Variants in GALK2 observed in about 807,000 individuals in gnomAD.
GALK2 encodes the protein galactokinase 2.
GALK2 carries 36 observed loss-of-function variants against 52.4 expected under a neutral mutation model. The ratio of observed to expected loss-of-function variants is 0.69; its 90% CI spans 0.53 to 0.91. GALK2 has a LOEUF of 0.91. Among genes scored for constraint, GALK2 ranks in the 40% least tolerant of loss-of-function variants. GALK2 has a pLI of 0.00. For missense variants in GALK2, 579 were observed against 559.1 expected (o/e 1.04, Z -0.36); for synonymous variants, 176 against 199.1 (o/e 0.88, Z 0.98).
chr15:49,194,574 A>G (rs371428624), intron 1 of GALK2, among the ~76,000 whole-genome samples: 3 of 148,196 alleles, frequency 2.0e-5, no homozygotes, highest in East Asian at 3.9e-4. Context: ...TTTGCCCACT[A>G]TTGTTACATA....
At chr15:49,213,239 A>T (rs1025518250) in intron 2 of GALK2, among the ~76,000 whole-genome samples, 1 of 152,212 alleles carries the variant, frequency 6.6e-6, no homozygotes, top group Admixed American at 6.5e-5. Context: ...TTGACATTAT[A>T]TAATGACCTT....
chr15:49,339,176 G>T (rs1017519533), intron 3 of GALK2, among the ~76,000 whole-genome samples: 1 of 152,080 alleles, frequency 6.6e-6, no homozygotes, highest in Non-Finnish European at 1.5e-5. Flanking sequence ...TCCCTTGCTG[G>T]CAAGGAGTTG....
At chr15:49,302,648 G>A (rs2141873835) in intron 8 of GALK2, among the ~76,000 whole-genome samples, 1 of 152,324 alleles carries the variant, frequency 6.6e-6, no homozygotes, top group East Asian at 1.9e-4. Context: ...TGATTTAAAT[G>A]TAGCTTATAA....
intron 3 of GALK2, among the ~76,000 whole-genome samples, chr15:49,227,582 C>T (rs1284714410): frequency 4.0e-5 from 6 of 151,658 alleles, no homozygotes; most frequent in African/African-American, 1.5e-4. Flanking sequence ...GTTTTTAAAT[C>T]AGTTATCCTA....
intron 3 of GALK2, among the ~76,000 whole-genome samples, chr15:49,337,241 CTGTTT>C (rs1412620388): frequency 1.3e-5 from 2 of 152,116 alleles, no homozygotes; most frequent in African/African-American, 2.4e-5. Context: ...AACGGTAGTT[CTGTTT>C]TAAGTTCTTT....
At chr15:49,169,659 T>A (rs1480798691), upstream of GALK2, among the ~76,000 whole-genome samples, 2 of 152,186 alleles carry the variant, frequency 1.3e-5, no homozygotes, top group Non-Finnish European at 2.9e-5. Context: ...GAGGTTTAAC[T>A]GGATGCTAAG....
At chr15:49,231,883 C>T (rs950546928) in intron 3 of GALK2, among the ~76,000 whole-genome samples, 13 of 152,246 alleles carry the variant, frequency 8.5e-5, no homozygotes, top group Non-Finnish European at 1.5e-4. Flanking sequence ...AGTAAAGCCC[C>T]TGAGGCTGCT....
intron 5 of GALK2, among the ~76,000 whole-genome samples, chr15:49,247,875 A>T (rs2091427124): frequency 2.0e-5 from 3 of 152,226 alleles, no homozygotes; most frequent in African/African-American, 7.2e-5. Flanking sequence ...AAGTCCCTGA[A>T]CAGATTTACT....
intron 1 of GALK2, chr15:49,156,156 G>A: frequency 1.2e-6 from 1 of 824,134 alleles, no homozygotes; most frequent in Non-Finnish European, 2.0e-6. Context: ...ACAATTCTAT[G>A]GATATCCTAA....
chr15:49,335,440 C>G (rs1330200460), downstream of GALK2: 1 of 1,612,594 alleles, frequency 6.2e-7, no homozygotes, highest in Admixed American at 1.7e-5. Flanking sequence ...CTTTTGGTTC[C>G]TTGCAAATTG....
intron 2 of GALK2, among the ~76,000 whole-genome samples, chr15:49,206,790 CAA>C (rs2088325573): frequency 6.6e-6 from 1 of 152,066 alleles, no homozygotes; most frequent in South Asian, 2.1e-4. Context: ...CAAACAGTGA[CAA>C]TTTGAGTTCC....
rs187689686 is a variant in GALK2, at chr15:49,243,636, A to G, written c.504+4269A>G. Among the ~76,000 whole-genome samples, 10 of 152,292 alleles carry G rather than the reference A, an allele frequency of 6.6e-5. No homozygotes were observed. In the South Asian group the frequency reaches 2.1e-3, roughly 32 times the overall value. ...AAAATGAACCAAACAAACAAAAAAAACAGAGAAAACAGGAAACTAGAGGAA... is the reference window on the plus strand; with the variant it reads ...AAAATGAACCAAACAAACAAAAAAAGCAGAGAAAACAGGAAACTAGAGGAA... On this transcript the variant is annotated intron_variant, in intron 5 of 9. Transcript: ENST00000560031.
At chr15:49,229,046 T>C (rs1373632873) in intron 3 of GALK2, among the ~76,000 whole-genome samples, 1 of 152,180 alleles carries the variant, frequency 6.6e-6, no homozygotes, top group African/African-American at 2.4e-5. Context: ...TGGAATTTAA[T>C]AAATTTCTTT....
intron 3 of GALK2, among the ~76,000 whole-genome samples, chr15:49,342,076 G>C (rs1186592992): frequency 6.6e-6 from 1 of 152,120 alleles, no homozygotes; most frequent in Admixed American, 6.5e-5. Context: ...ATCAAGTCCT[G>C]AGTTTTTTTG....
chr15:49,356,982 C>A (rs1286953167), intron 3 of GALK2, among the ~76,000 whole-genome samples: 4 of 150,710 alleles, frequency 2.7e-5, no homozygotes, highest in South Asian at 4.2e-4. Flanking sequence ...TCCTGAATGA[C>A]TACTGGGTAC....
intron 9 of GALK2, among the ~76,000 whole-genome samples, chr15:49,325,412 T>C (rs907201844): frequency 2.0e-5 from 3 of 152,256 alleles, no homozygotes; most frequent in Non-Finnish European, 4.4e-5. Flanking sequence ...TAATGTTTTA[T>C]TGTTCTTCCA....
At chr15:49,194,803 C>T (rs2087069341) in intron 1 of GALK2, among the ~76,000 whole-genome samples, 1 of 151,676 alleles carries the variant, frequency 6.6e-6, no homozygotes, top group South Asian at 2.1e-4. Context: ...CCATGTCGGT[C>T]AGGCTGGTCT....
At chr15:49,293,593 T>C (rs1376976693) in intron 8 of GALK2, among the ~76,000 whole-genome samples, 1 of 152,250 alleles carries the variant, frequency 6.6e-6, no homozygotes, top group Non-Finnish European at 1.5e-5. Context: ...TATGGTTCTT[T>C]GCAGAAAATG....
chr15:49,237,727 G>A (rs959201690), intron 4 of GALK2, among the ~76,000 whole-genome samples: 2 of 151,988 alleles, frequency 1.3e-5, no homozygotes, highest in Non-Finnish European at 2.9e-5. Context: ...CACCCGCCTC[G>A]GCCTCCCAAA....
Sources: allele counts gnomAD v4.1 joint callset (sites outside exome capture counted in the v4.1 genomes callset), GRCh38; gene constraint gnomAD v4.1.1; transcripts MANE v1.5; gene names NCBI Gene and HGNC (gene_info 2026-07-23, HGNC 2026-07-21).